Variants in TPST1 observed in about 807,000 individuals in gnomAD.
TPST1 encodes protein-tyrosine sulfotransferase 1.
A neutral mutation model predicts 34.8 loss-of-function variants in TPST1; 20 were observed. The ratio of observed to expected loss-of-function variants is 0.57; its 90% confidence interval spans 0.40 to 0.84. The LOEUF is 0.84. Among genes scored for constraint, TPST1 ranks in the 40% least tolerant of loss-of-function variants. TPST1 has a pLI of 0.00. For synonymous variants in TPST1, 152 were observed against 159.4 expected, an observed-to-expected ratio of 0.95 and a Z score of 0.35; for missense variants, 353 against 455.5, an observed-to-expected ratio of 0.78 and a Z score of 2.05.
chr7:66,214,518 T>C (rs951814821), intron 1 of TPST1, among the ~76,000 whole-genome samples: 8 of 151,702 alleles, frequency 5.3e-5, no homozygotes, highest in African/African-American at 1.9e-4. Flanking sequence ...TTCGGAAGTG[T>C]CGTTAAGAAT....
chr7:66,203,945 G>A (rs563844101), upstream of TPST1, among the ~76,000 whole-genome samples: 22 of 152,284 alleles, frequency 1.4e-4, no homozygotes, highest in Admixed American at 1.0e-3. Context: ...GGGAGGCCAA[G>A]GCAGGCAGAT....
chr7:66,350,757 G>T (rs1792460641), intron 3 of TPST1, among the ~76,000 whole-genome samples: 1 of 152,124 alleles, frequency 6.6e-6, no homozygotes, highest in African/African-American at 2.4e-5. Flanking sequence ...TTACAATCGC[G>T]ATTCCGGTGG....
chr7:66,340,131 T>A (rs757378866), intron 3 of TPST1, among the ~76,000 whole-genome samples: 1 of 150,384 alleles, frequency 6.6e-6, no homozygotes, highest in Non-Finnish European at 1.5e-5. Flanking sequence ...AAGTCAGGAG[T>A]TTGAGACCAG....
chr7:66,314,364 A>G (rs1791592479), intron 3 of TPST1, among the ~76,000 whole-genome samples: 1 of 152,174 alleles, frequency 6.6e-6, no homozygotes, highest in South Asian at 2.1e-4. Context: ...GGGAGACCCC[A>G]TCTCTACTGG....
intron 3 of TPST1, among the ~76,000 whole-genome samples, chr7:66,331,291 T>C (rs12667200): frequency 0.039 from 5,961 of 152,290 alleles, 290 homozygotes; most frequent in East Asian, 0.27. Flanking sequence ...TTTGCCAAAT[T>C]CTGGTTGTTA....
chr7:66,297,242 C>T (rs1476034477), intron 3 of TPST1, among the ~76,000 whole-genome samples: 1 of 152,134 alleles, frequency 6.6e-6, no homozygotes, highest in Non-Finnish European at 1.5e-5. Flanking sequence ...GGGTCTCTTT[C>T]CTGAGCCCTA....
At chr7:66,282,769 C>A (rs534207140) in intron 2 of TPST1, among the ~76,000 whole-genome samples, 1 of 152,180 alleles carries the variant, frequency 6.6e-6, no homozygotes, top group African/African-American at 2.4e-5. Context: ...CCAACCAGAC[C>A]GTGACCTCCT....
chr7:66,311,140 G>T (rs12671152), intron 3 of TPST1, among the ~76,000 whole-genome samples: 32,495 of 148,910 alleles, frequency 0.22, 3,701 homozygotes, highest in Middle Eastern at 0.31. Context: ...TCTTTTTTTT[G>T]TGTGTGTGTG....
chr7:66,307,420 C>T (rs1791448075), intron 3 of TPST1, among the ~76,000 whole-genome samples: 1 of 152,192 alleles, frequency 6.6e-6, no homozygotes, highest in African/African-American at 2.4e-5. Context: ...GCCCGGCCCA[C>T]TTCATTCACT....
chr7:66,301,774 A>G lies in TPST1; in HGVS notation c.1044+15065A>G, dbSNP rs141992443. Among the ~76,000 whole-genome samples the G allele has an allele frequency of 2.0e-4, 30 of 152,346 alleles. No homozygotes were observed. The East Asian group carries it at 5.8e-3, about 29-fold the overall frequency. The stretch of plus-strand genomic sequence containing the variant: ...AGGATCGTGGCACCCCAAAACAATT[A>G]CATGGTAACATCAAAGATCTCTGAT... On this transcript the variant is annotated intron_variant, in intron 3 of 5. Transcript: ENST00000304842.
intron 2 of TPST1, among the ~76,000 whole-genome samples, chr7:66,253,680 T>A (rs1387798867): frequency 6.6e-6 from 1 of 151,002 alleles, no homozygotes; most frequent in African/African-American, 2.4e-5. Context: ...CAAGAAATCC[T>A]TCTTCACTTA....
At chr7:66,320,321 C>T (rs1167631249) in intron 3 of TPST1, among the ~76,000 whole-genome samples, 1 of 145,632 alleles carries the variant, frequency 6.9e-6, no homozygotes, top group Non-Finnish European at 1.5e-5. Flanking sequence ...AATCTCGGCT[C>T]ACTGCAAGCT....
At chr7:66,294,952 T>C (rs918924927) in intron 3 of TPST1, among the ~76,000 whole-genome samples, 1 of 152,194 alleles carries the variant, frequency 6.6e-6, no homozygotes, top group African/African-American at 2.4e-5. Flanking sequence ...CCTTAAATTC[T>C]TTCTGAAGCA....
chr7:66,357,590 A>G (rs753864096), intron 5 of TPST1, among the ~76,000 whole-genome samples: 10 of 152,138 alleles, frequency 6.6e-5, no homozygotes, highest in Non-Finnish European at 1.5e-4. Flanking sequence ...GGCCCTCATC[A>G]GGCACATGTC....
chr7:66,300,813 G>A (rs1791299686), intron 3 of TPST1, among the ~76,000 whole-genome samples: 1 of 152,154 alleles, frequency 6.6e-6, no homozygotes, highest in Non-Finnish European at 1.5e-5. Context: ...GGGTGTGGTG[G>A]CGCATGTGTG....
At chr7:66,357,068 T>C (rs1792596471) in intron 5 of TPST1, among the ~76,000 whole-genome samples, 197 bp downstream of exon 5, 1 of 152,208 alleles carries the variant, frequency 6.6e-6, no homozygotes, top group African/African-American at 2.4e-5. Flanking sequence ...GAAATGAGGA[T>C]AATATTAACA....
At chr7:66,270,979 A>G (rs919483521) in intron 2 of TPST1, among the ~76,000 whole-genome samples, 1 of 152,172 alleles carries the variant, frequency 6.6e-6, no homozygotes, top group Non-Finnish European at 1.5e-5. Flanking sequence ...CCTTGCCTCT[A>G]TATTTTTTGG....
intron 1 of TPST1, among the ~76,000 whole-genome samples, chr7:66,234,219 G>C (rs1478257020): frequency 1.3e-5 from 2 of 152,090 alleles, no homozygotes; most frequent in Non-Finnish European, 2.9e-5. Flanking sequence ...GCATATCTAC[G>C]TACTTTTTCT....
intron 2 of TPST1, among the ~76,000 whole-genome samples, chr7:66,260,311 T>C (rs1790463708): frequency 6.6e-6 from 1 of 152,252 alleles, no homozygotes; most frequent in Non-Finnish European, 1.5e-5. Context: ...ATATTTTGAA[T>C]AATTTTGTTA....
Sources: gnomAD v4.1 joint callset for allele counts (sites outside exome capture counted in the v4.1 genomes callset) on GRCh38, gnomAD v4.1.1 for gene constraint, MANE v1.5 for transcripts, NCBI Gene and HGNC (gene_info 2026-07-23, HGNC 2026-07-21) for gene names.